SEMA6A: variants seen among roughly 807,000 people sequenced by gnomAD.
SEMA6A encodes semaphorin 6A, also known as semaphorin-6A.
In SEMA6A, 25 loss-of-function variants were observed where a neutral mutation model predicts 96.8. The ratio of observed to expected loss-of-function variants is 0.26; its 90% CI spans 0.19 to 0.36. The LOEUF is 0.36. Ranked by LOEUF, SEMA6A falls within the 10% of genes least tolerant of loss-of-function variation. The pLI, the probability that SEMA6A is intolerant of heterozygous loss-of-function variation, is 1.00. For missense variants in SEMA6A, 1,363 were observed against 1,323.1 expected, an observed-to-expected ratio of 1.03 and a Z score of -0.47; for synonymous variants, 612 against 518.0, an observed-to-expected ratio of 1.18 and a Z score of -2.46.
intron 18 of SEMA6A, among the ~76,000 whole-genome samples, chr5:116,453,825 G>T (rs1754806378): frequency 6.6e-6 from 1 of 152,080 alleles, no homozygotes; most frequent in Admixed American, 6.6e-5. Context: ...GTATACTAAT[G>T]CCCTGCACCT....
At chr5:116,550,513 CA>C (rs556455317) in intron 1 of SEMA6A, 1 of 152,110 alleles carries the variant, frequency 6.6e-6, no homozygotes, top group South Asian at 2.1e-4. Context: ...AATGAGAAGG[CA>C]AAAGAGATGC....
chr5:116,567,817 C>G (rs1260328934), intron 1 of SEMA6A, among the ~76,000 whole-genome samples: 1 of 152,220 alleles, frequency 6.6e-6, no homozygotes, highest in African/African-American at 2.4e-5. Flanking sequence ...TCTACTAGTC[C>G]TGGTTCACCC....
intron 16 of SEMA6A, 118 bp from the exon 17 acceptor site, chr5:116,473,211 G>T: frequency 1.1e-6 from 1 of 947,148 alleles, no homozygotes; most frequent in Non-Finnish European, 1.6e-6. Flanking sequence ...CCGATACTAA[G>T]TAAGTGCTTT....
chr5:116,495,632 C>T lies in SEMA6A; in HGVS notation c.343-118G>A, dbSNP rs1757558734. 9.0e-6 allele frequency: 6 copies of T among 669,824 alleles called. No individual in the cohort carries two copies. The Admixed American group carries it at 1.1e-4, about 13-fold the overall frequency. 41.5% of individuals were successfully genotyped at this position (669,824 alleles called of 1,614,324 possible). On this transcript the variant is annotated intron_variant, in intron 5 of 18. Coordinates refer to ENST00000343348, the MANE Select transcript of SEMA6A (RefSeq NM_020796.5). ...AAGTGGAGGTGGCTGAGGACTTCTC[C>T]CATTAAAAGTTCAAGTTCTTCCTGA...
intron 1 of SEMA6A, among the ~76,000 whole-genome samples, chr5:116,509,062 C>T (rs1353818112): frequency 2.0e-5 from 3 of 152,192 alleles, no homozygotes; most frequent in Non-Finnish European, 2.9e-5. Context: ...TCTACATGTC[C>T]GGTTGCAGCA....
At chr5:116,504,715 C>T in intron 2 of SEMA6A, 130 bp downstream of exon 2, 1 of 645,976 alleles carries the variant, frequency 1.5e-6, no homozygotes, top group Non-Finnish European at 2.7e-6. Context: ...TTGAATTAGC[C>T]ACCTTTGCCA....
intron 18 of SEMA6A, among the ~76,000 whole-genome samples, chr5:116,460,062 AT>A (rs146505912): frequency 0.019 from 2,922 of 152,166 alleles, 92 homozygotes; most frequent in African/African-American, 0.066. Flanking sequence ...TGATAAAAAA[AT>A]AAAAATAAAA....
At position 116,447,708 on chromosome 5, in the gene SEMA6A, C is replaced by G. The variant is rs1344320520; in HGVS notation, c.1998G>C (p.Ser666=). Residue 666 remains serine, a synonymous_variant, in exon 19 of 19, where the codon TCG becomes TCC. Transcript: ENST00000343348. ...CACAGACGCAGTAGACGGTGATGCCCGAGAAGACGGCCCCCATGACGAAAG... is the reference window on the plus strand; with the variant it reads ...CACAGACGCAGTAGACGGTGATGCCGGAGAAGACGGCCCCCATGACGAAAG... ...ILAFVMGAVF[S]GITVYCVCDH... 1.2e-6 allele frequency: 2 copies of G among 1,613,720 alleles called. No individual in the cohort carries two copies. The highest frequency in any genetic ancestry group is 1.7e-6 in the Non-Finnish European group (2 of 1,179,840).
At position 116,447,243 on chromosome 5, in the gene SEMA6A, C is replaced by G. The variant is rs202163780; in HGVS notation, c.2463G>C (p.Thr821=). The change falls in exon 19 of 19, where the codon ACG becomes ACC. Residue 821 remains threonine (T), a synonymous_variant. Transcript: ENST00000343348. The stretch of plus-strand genomic sequence containing the variant: ...CGTACTCATGCTGGTAGCCCTGCTG[C>G]GTGATGGGCAGGACCACCACGCTGG... The part of the protein sequence containing the change: ...HIPSVVVLPI[T]QQGYQHEYVD... 65 of 1,613,978 alleles carry G rather than the reference C, an allele frequency of 4.0e-5. No homozygotes were observed. The East Asian group carries it at 1.4e-3, about 36-fold the overall frequency.
chr5:116,573,012 C>A (rs1187220735), intron 1 of SEMA6A, among the ~76,000 whole-genome samples: 1 of 152,174 alleles, frequency 6.6e-6, no homozygotes, highest in Non-Finnish European at 1.5e-5. Flanking sequence ...CGGGACCGCT[C>A]CCTGGCTCCC....
chr5:116,495,971 A>T, intron 5 of SEMA6A: 1 of 393,798 alleles, frequency 2.5e-6, no homozygotes. Flanking sequence ...GCATCGGCGT[A>T]CACTCAGAAG....
intron 7 of SEMA6A, among the ~76,000 whole-genome samples, chr5:116,489,368 G>A (rs76190178): frequency 6.6e-6 from 1 of 152,018 alleles, no homozygotes. Flanking sequence ...ACCACACCAT[G>A]GTAAACTGGA....
intron 1 of SEMA6A, among the ~76,000 whole-genome samples, chr5:116,568,062 T>C (rs982903390): frequency 6.6e-6 from 1 of 152,202 alleles, no homozygotes; most frequent in African/African-American, 2.4e-5. Flanking sequence ...TATTATTTAG[T>C]TGCATAATGT....
intron 3 of SEMA6A, among the ~76,000 whole-genome samples, chr5:116,499,889 A>G (rs1308665755): frequency 6.6e-6 from 1 of 152,176 alleles, no homozygotes; most frequent in Non-Finnish European, 1.5e-5. Flanking sequence ...CCTGGGACCT[A>G]TGGTCCACGC....
intron 3 of SEMA6A, among the ~76,000 whole-genome samples, chr5:116,499,624 G>A (rs146920624): frequency 2.0e-5 from 3 of 152,184 alleles, no homozygotes; most frequent in Admixed American, 6.5e-5. Flanking sequence ...TTTTTCTAAG[G>A]TTGTCTGTTG....
chr5:116,464,336 T>C (rs1755597175), intron 18 of SEMA6A, among the ~76,000 whole-genome samples: 1 of 152,208 alleles, frequency 6.6e-6, no homozygotes. Context: ...AGCAGTTGGC[T>C]GTGTTTTTAC....
At chr5:116,490,500 G>A (rs1383642773) in intron 7 of SEMA6A, among the ~76,000 whole-genome samples, 1 of 152,146 alleles carries the variant, frequency 6.6e-6, no homozygotes, top group Non-Finnish European at 1.5e-5. Flanking sequence ...CAGTAGTCAT[G>A]TACTTGGGAG....
At chr5:116,555,961 T>C (rs1235317826) in intron 1 of SEMA6A, among the ~76,000 whole-genome samples, 1 of 152,150 alleles carries the variant, frequency 6.6e-6, no homozygotes, top group Admixed American at 6.5e-5. Context: ...AAACACTGCA[T>C]TCAGAAAACT....
intron 6 of SEMA6A, 114 bp downstream of exon 6, chr5:116,495,299 T>TGAGAGGAACTCAG (rs1440140794): frequency 1.1e-5 from 8 of 743,026 alleles, no homozygotes; most frequent in Middle Eastern, 2.3e-4. Context: ...GTTGAACAAG[T>TGAGAGGAACTCAG]GAGAGGAACT....
Sources: gnomAD v4.1 joint callset for allele counts (sites outside exome capture counted in the v4.1 genomes callset) on GRCh38, gnomAD v4.1.1 for gene constraint, MANE v1.5 for transcripts, NCBI Gene and HGNC (gene_info 2026-07-23, HGNC 2026-07-21) for gene names.